CARD6: variants seen among roughly 807,000 people sequenced by gnomAD.
CARD6 encodes the protein caspase recruitment domain family member 6.
In CARD6, 27 loss-of-function variants were observed where a neutral mutation model predicts 23.6. The observed-to-expected ratio is 1.14, with a 90% CI of 0.84 to 1.58. CARD6 has a LOEUF of 1.58. CARD6 is among the 40% of genes most tolerant of loss of function. The probability of loss-of-function intolerance (pLI) is 0.00; values close to 1 mark genes in which losing one functional copy is unlikely to be tolerated. For missense variants in CARD6, 1,214 were observed against 1,209.9 expected (o/e 1.00, Z -0.05); for synonymous variants, 397 against 431.8 (o/e 0.92, Z 1.00).
chr5:40,851,363 A>G (rs1023193965), intron 2 of CARD6, among the ~76,000 whole-genome samples: 2 of 152,126 alleles, frequency 1.3e-5, no homozygotes, highest in African/African-American at 4.8e-5. Context: ...AAGTAAAACT[A>G]TATATTTCTA....
rs1745917121 is a variant in CARD6 at position 40,843,646 on chromosome 5, C to G, written c.778C>G (p.Pro260Ala). The change falls in exon 2 of 3, where the codon CCA becomes GCA. Residue 260 changes from proline (P) to alanine (A), a missense_variant. Physicochemically the swap from Pro to Ala is conservative, Grantham distance 27. Transcript: ENST00000254691. ...SETTEFSGEE[P>A]SYEGSETSLS... ...AACCACAGAGTTCTCTGGTGAAGAACCAAGTTATGAGGGATCAGAAACCAG... is the reference window on the plus strand; with the variant it reads ...AACCACAGAGTTCTCTGGTGAAGAAGCAAGTTATGAGGGATCAGAAACCAG... 6.3e-7 allele frequency: 1 copy of G among 1,584,356 alleles called. No homozygotes were observed. The highest frequency in any genetic ancestry group is 8.5e-7 in the Non-Finnish European group (1 of 1,170,684).
Position 40,852,675 on chromosome 5 carries a change from C to T in CARD6, c.1343C>T (p.Thr448Ile). The change falls in exon 3 of 3, where the codon ACT becomes ATT. Residue 448 changes from threonine (T) to isoleucine (I), a missense_variant. Coordinates refer to ENST00000254691, the MANE Select transcript of CARD6 (RefSeq NM_032587.4). ...ACAGAGGATACAGAAAAGTTTCTGA[C>T]TCTCATGAAGATGCCTGTCATCTCT... Reference protein sequence around the residue: ...GPTEDTEKFLTLMKMPVISFV... With the variant: ...GPTEDTEKFLILMKMPVISFV... 2.5e-6 allele frequency: 4 copies of T among 1,614,162 alleles called. No homozygotes were observed. Among genetic ancestry groups the T allele is most frequent in the South Asian group, 1.1e-5 (1 of 91,076 alleles).
intron 2 of CARD6, 44 bp downstream of exon 2, chr5:40,843,753 A>T: frequency 7.5e-7 from 1 of 1,330,526 alleles, no homozygotes; most frequent in South Asian, 1.7e-5. Flanking sequence ...CAACTTAATA[A>T]GTTAATAAGC....
intron 2 of CARD6, among the ~76,000 whole-genome samples, chr5:40,844,266 G>A (rs971539483): frequency 6.6e-6 from 1 of 152,158 alleles, no homozygotes. Context: ...TTTTTAAACA[G>A]GGTCTCACTC....
At chr5:40,850,853 C>T (rs957919312) in intron 2 of CARD6, among the ~76,000 whole-genome samples, 1 of 149,724 alleles carries the variant, frequency 6.7e-6, no homozygotes, top group Non-Finnish European at 1.5e-5. Flanking sequence ...AAATAAAAAA[C>T]CTAAATGATC....
chr5:40,852,157 T>C lies in CARD6; in HGVS notation c.842-17T>C. 1 of 1,517,896 alleles carries C rather than the reference T, an allele frequency of 6.6e-7. No homozygotes were observed. Among genetic ancestry groups the C allele is most frequent in the Non-Finnish European group, 9.0e-7 (1 of 1,107,810 alleles). The allele number at this position is 1,517,896 out of a possible 1,614,324, so 94.0% of individuals were successfully genotyped here. A position where few individuals can be genotyped will look rare whatever the true frequency, so the allele number is the denominator to read the frequency against. On this transcript the variant is annotated splice_polypyrimidine_tract_variant and intron_variant, in intron 2 of 2. Transcript: ENST00000254691. ...AAACTCTGAACATGGCATTCACTAT[T>C]ATCTTCTCTCCTACAGAAAGAAAAA...
At position 40,854,185 on chromosome 5, in the gene CARD6, A is replaced by G. The variant is rs1279848893; in HGVS notation, c.2853A>G (p.Thr951=). 2.5e-6 allele frequency: 4 copies of G among 1,614,068 alleles called. No homozygotes were observed. Among genetic ancestry groups the G allele is most frequent in the Non-Finnish European group, 3.4e-6 (4 of 1,180,044 alleles). The change falls in exon 3 of 3, where the codon ACA becomes ACG. Residue 951 remains threonine (T), a synonymous_variant. Transcript: ENST00000254691. ...QFKSDQSNPS[T]VKHSQPKPFH... The stretch of plus-strand genomic sequence containing the variant: ...AATCCGATCAGTCCAACCCATCCAC[A>G]GTCAAACACTCCCAGCCTAAACCCT...
At chr5:40,846,376 G>T (rs989484521) in intron 2 of CARD6, among the ~76,000 whole-genome samples, 3 of 152,070 alleles carry the variant, frequency 2.0e-5, no homozygotes, top group Non-Finnish European at 2.9e-5. Flanking sequence ...TGGAGGGGGG[G>T]AGACAGAGAA....
At position 40,852,457 on chromosome 5, in the gene CARD6, C is replaced by G; in HGVS notation, c.1125C>G (p.Pro375=). The G allele has an allele frequency of 6.2e-7, 1 of 1,614,126 alleles. No homozygotes were observed. The highest frequency in any genetic ancestry group is 8.5e-7 in the Non-Finnish European group (1 of 1,180,024). The part of the protein sequence containing the change: ...LEIRDIQTIN[P]LDVLCATMLC... ...TTCGAGACATACAAACCATTAATCC[C>G]CTTGACGTGCTTTGTGCCACCATGC... The change falls in exon 3 of 3, where the codon CCC becomes CCG. Residue 375 remains proline (P), a synonymous_variant. Transcript: ENST00000254691.
At position 40,854,224 on chromosome 5, in the gene CARD6, C is replaced by G. The variant is rs754167165; in HGVS notation, c.2892C>G (p.Pro964=). The G allele has an allele frequency of 3.1e-6, 5 of 1,614,014 alleles. No individual in the cohort carries two copies. In the South Asian group the frequency reaches 5.5e-5, roughly 18 times the overall value. Residue 964 remains proline, a synonymous_variant, in exon 3 of 3, where the codon CCC becomes CCG. Transcript: ENST00000254691. ...AGCCTAAACCCTTCCATTCTGTGCC[C>G]TCTCAACCTAAATCCTCTCAGACAA... ...HSQPKPFHSV[P]SQPKSSQTKS...
Position 40,841,552 on chromosome 5 carries a change from G to C in CARD6, c.170G>C (p.Ser57Thr). Residue 57 changes from serine (S) to threonine (T), a missense_variant, in exon 1 of 3, where the codon AGT becomes ACT. By Grantham distance (58) the Ser-to-Thr change is moderately conservative. Transcript: ENST00000254691. ...AATGTTACAGATCTCCTGAAGAAAAGTCGGAAGCTGTTAATTTTGGTACAG... is the reference window on the plus strand; with the variant it reads ...AATGTTACAGATCTCCTGAAGAAAACTCGGAAGCTGTTAATTTTGGTACAG... ...LENVTDLLKK[S>T]RKLLILVQKK... 6.2e-7 allele frequency: 1 copy of C among 1,614,162 alleles called. No homozygotes were observed.
intron 2 of CARD6, among the ~76,000 whole-genome samples, chr5:40,847,580 C>T (rs1451748760): frequency 6.6e-6 from 1 of 152,150 alleles, no homozygotes; most frequent in Non-Finnish European, 1.5e-5. Flanking sequence ...ATTTTGCCTT[C>T]ATTCCAGAAG....
At chr5:40,849,342 A>C (rs891355499) in intron 2 of CARD6, among the ~76,000 whole-genome samples, 1 of 152,114 alleles carries the variant, frequency 6.6e-6, no homozygotes, top group African/African-American at 2.4e-5. Flanking sequence ...TGCTTTCCTA[A>C]GGCAAAGTAT....
Position 40,843,165 on chromosome 5 carries a change from T to G in CARD6, c.297T>G (p.His99Gln). The change falls in exon 2 of 3, where the codon CAT (histidine) becomes CAG (glutamine). Residue 99 changes from histidine (H) to glutamine (Q), a missense_variant. Coordinates refer to ENST00000254691, the MANE Select transcript of CARD6 (RefSeq NM_032587.4). ...ICGLRHEVLK[H>Q]ENTVPPQSMG... is the part of the protein sequence containing the mutation. ...TTTTCTTTGCAGAAGTTTTAAAACATGAGAATACAGTACCTCCTCAATCTA... is the reference window on the plus strand; with the variant it reads ...TTTTCTTTGCAGAAGTTTTAAAACAGGAGAATACAGTACCTCCTCAATCTA... 1.3e-6 allele frequency: 2 copies of G among 1,580,730 alleles called. No homozygotes were observed. The highest frequency in any genetic ancestry group is 1.7e-6 in the Non-Finnish European group (2 of 1,169,934).
rs1554037727 is a variant in CARD6, at chr5:40,853,401, T to C, written c.2069T>C (p.Leu690Pro). Residue 690 changes from leucine (L) to proline (P), a missense_variant, in exon 3 of 3, where the codon CTA becomes CCA. By Grantham distance (98) the Leu-to-Pro change is moderately conservative (BLOSUM62 -3). Transcript: ENST00000254691. ...EGEGQQRHSQ[L>P]KSSSKSQALM... ...GAGGGTCAGCAAAGACACAGTCAGC[T>C]AAAAAGCTCATCTAAAAGCCAGGCT... 30 of 1,614,004 alleles carry C rather than the reference T, an allele frequency of 1.9e-5. No homozygotes were observed. Among genetic ancestry groups the C allele is most frequent in the Non-Finnish European group, 2.4e-5 (28 of 1,180,014 alleles).
intron 2 of CARD6, among the ~76,000 whole-genome samples, chr5:40,850,286 C>A (rs1449325774): frequency 6.6e-6 from 1 of 151,252 alleles, no homozygotes; most frequent in African/African-American, 2.4e-5. Context: ...TGGTGGCACC[C>A]GCATATGGTC....
rs1032935410 is a variant in CARD6, at chr5:40,852,588, T to C, written c.1256T>C (p.Leu419Ser). The C allele has an allele frequency of 1.2e-6, 2 of 1,614,036 alleles. No individual in the cohort carries two copies. The highest frequency in any genetic ancestry group is 1.7e-6 in the Non-Finnish European group (2 of 1,180,034). The change falls in exon 3 of 3, where the codon TTA becomes TCA. Residue 419 changes from leucine (L) to serine (S), a missense_variant. Leu to Ser is a moderately radical substitution (Grantham distance 145). Coordinates refer to ENST00000254691, the MANE Select transcript of CARD6 (RefSeq NM_032587.4). ...GATGCAGAAAACAACAAAAGCATCT[T>C]AATGCTGGGGGCCATGAAAGACATT... ...LPDAENNKSI[L>S]MLGAMKDIVK...
chr5:40,852,329 G>C lies in CARD6; in HGVS notation c.997G>C (p.Val333Leu). ...GDLAWNFLMK[V>L]QARDVTARDS... ...CTTAGCCTGGAATTTCCTGATGAAA[G>C]TTCAAGCACGAGATGTGACGGCTAG... Residue 333 changes from valine (V) to leucine (L), a missense_variant, in exon 3 of 3, where the codon GTT (valine) becomes CTT (leucine). Physicochemically the swap from Val to Leu is conservative, Grantham distance 32. Coordinates refer to ENST00000254691, the MANE Select transcript of CARD6 (RefSeq NM_032587.4). The C allele has an allele frequency of 6.2e-7, 1 of 1,614,162 alleles. No homozygotes were observed. Among genetic ancestry groups the C allele is most frequent in the Non-Finnish European group, 8.5e-7 (1 of 1,180,016 alleles).
In CARD6 at chr5:40,852,703, T is replaced by A. The variant is rs779679586; in HGVS notation, c.1371T>A (p.Phe457Leu). Residue 457 changes from phenylalanine (F) to leucine (L), a missense_variant, in exon 3 of 3, where the codon TTT becomes TTA. By Grantham distance (22) the Phe-to-Leu change is conservative. Transcript: ENST00000254691. ...TCATGAAGATGCCTGTCATCTCTTT[T>A]GTGCGTCTAGGATACTGTAGCTTCT... ...LTLMKMPVIS[F>L]VRLGYCSFSK... 6 of 1,614,144 alleles carry A rather than the reference T, an allele frequency of 3.7e-6. No homozygotes were observed. The South Asian group carries it at 5.5e-5, about 15-fold the overall frequency.
Sources: allele counts gnomAD v4.1 joint callset (sites outside exome capture counted in the v4.1 genomes callset), GRCh38; gene constraint gnomAD v4.1.1; transcripts MANE v1.5; gene names NCBI Gene and HGNC (gene_info 2026-07-23, HGNC 2026-07-21).